The following GLRA3 variants were observed in gnomAD, a reference collection of about 807,000 sequenced individuals.
GLRA3 encodes glycine receptor alpha 3, also known as glycine receptor subunit alpha-3.
Under a neutral mutation model 60.4 loss-of-function variants are expected in GLRA3, and 44 were observed. That is an observed-to-expected ratio of 0.73 (90% confidence interval 0.57 to 0.94). GLRA3 has a LOEUF of 0.94. Among genes scored for constraint, GLRA3 ranks in the 40% least tolerant of loss-of-function variants. The pLI is 0.00. For missense variants in GLRA3, 508 were observed against 564.6 expected, an observed-to-expected ratio of 0.90 and a Z score of 1.02; for synonymous variants, 223 against 192.9, an observed-to-expected ratio of 1.16 and a Z score of -1.29.
chr4:174,793,423 C>CATTTATTTATTT (rs3059164), intron 1 of GLRA3, among the ~76,000 whole-genome samples: 11 of 120,094 alleles, frequency 9.2e-5, no homozygotes, highest in Admixed American at 1.6e-4. Flanking sequence ...AATTTACATT[C>CATTTATTTATTT]ATTTATTTAT....
Sources: gnomAD v4.1 joint callset for allele counts (sites outside exome capture counted in the v4.1 genomes callset) on GRCh38, gnomAD v4.1.1 for gene constraint, MANE v1.5 for transcripts, NCBI Gene and HGNC (gene_info 2026-07-23, HGNC 2026-07-21) for gene names.